Variants in CIZ1 observed in about 807,000 individuals in gnomAD.
CIZ1 encodes the protein cip1-interacting zinc finger protein.
CIZ1 carries 58 observed loss-of-function variants against 118.6 expected under a neutral mutation model. That is an observed-to-expected ratio of 0.49 (90% CI 0.40 to 0.61). CIZ1 has a LOEUF of 0.61. CIZ1 is among the 20% of genes least tolerant of loss of function. CIZ1 has a pLI of 0.00. For missense variants in CIZ1, 921 were observed against 1,115.9 expected, an observed-to-expected ratio of 0.83 and a Z score of 2.49; for synonymous variants, 448 against 443.4, an observed-to-expected ratio of 1.01 and a Z score of -0.13.
intron 14 of CIZ1, chr9:128,167,811 C>T (rs180741031): frequency 6.5e-6 from 1 of 154,016 alleles, no homozygotes; most frequent in East Asian, 1.9e-4. Flanking sequence ...ACAAATGTGG[C>T]TTCCAAGAAG....
upstream of CIZ1, among the ~76,000 whole-genome samples, chr9:128,195,667 G>A (rs1332435745): frequency 6.6e-6 from 1 of 151,834 alleles, no homozygotes; most frequent in East Asian, 1.9e-4. Context: ...CCTTCTCATG[G>A]ACTCTATCTA....
chr9:128,201,816 G>A (rs1833531120), intron 1 of CIZ1, among the ~76,000 whole-genome samples: 1 of 152,186 alleles, frequency 6.6e-6, no homozygotes, highest in Non-Finnish European at 1.5e-5. Context: ...AGGGACCTGG[G>A]TCACGCAGCT....
chr9:128,180,673 C>T (rs1831471063), intron 6 of CIZ1, 48 bp downstream of exon 6: 1 of 1,468,264 alleles, frequency 6.8e-7, no homozygotes, highest in African/African-American at 1.4e-5. Flanking sequence ...CCCACTGGCC[C>T]CACCCCATTC....
At chr9:128,175,468 C>T (rs1263047165) in intron 11 of CIZ1, among the ~76,000 whole-genome samples, 1 of 152,094 alleles carries the variant, frequency 6.6e-6, no homozygotes, top group Non-Finnish European at 1.5e-5. Flanking sequence ...GCGAGAGCCC[C>T]CTGTCACACA....
At chr9:128,185,466 C>A in intron 5 of CIZ1, 81 bp downstream of exon 5, 4 of 903,934 alleles carry the variant, frequency 4.4e-6, no homozygotes, top group Non-Finnish European at 6.7e-6. Context: ...TCCGAAGGCC[C>A]AGACTGAGCC....
Position 128,178,367 on chromosome 9 carries a change from A to G in CIZ1, c.1620+2T>C. The G allele has an allele frequency of 6.2e-7, 1 of 1,611,740 alleles. No individual in the cohort carries two copies. ...CACTGCCACATCAGGGCCTCTACCC[A>G]CCCCTGGCATCTCTCTCGCTCTGTT... is the stretch of plus-strand genomic sequence containing the variant. On this transcript the variant is annotated splice_donor_variant, in intron 9 of 16. Coordinates refer to ENST00000372938, the MANE Select transcript of CIZ1 (RefSeq NM_001131016.2). LOFTEE classifies it high-confidence loss of function.
Position 128,174,786 on chromosome 9 carries a change from G to A in CIZ1, c.1943+1565C>T, listed in dbSNP as rs185551065. ...CAATTCTCCTGCCTCAGCCTCCCGA[G>A]TAGCTGGGATCACAGGCATGCACCA... is the stretch of plus-strand genomic sequence containing the variant. On this transcript the variant is annotated intron_variant, in intron 11 of 16. Transcript: ENST00000372938. Among the ~76,000 whole-genome samples the A allele has an allele frequency of 2.5e-3, 385 of 152,258 alleles. 2 individuals carry two copies. Among genetic ancestry groups the A allele is most frequent in the African/African-American group, 8.7e-3 (363 of 41,558 alleles).
At chr9:128,201,894 C>T (rs765563132) in intron 1 of CIZ1, among the ~76,000 whole-genome samples, 4 of 152,168 alleles carry the variant, frequency 2.6e-5, no homozygotes, top group Admixed American at 6.5e-5. Context: ...CTGCTTGTTC[C>T]CCATGCCTGC....
upstream of CIZ1, among the ~76,000 whole-genome samples, chr9:128,195,600 G>A (rs527784987): frequency 1.3e-5 from 2 of 152,214 alleles, no homozygotes; most frequent in East Asian, 1.9e-4. Context: ...TTACAAGCGT[G>A]AGCCTCCATG....
At chr9:128,176,511 G>A (rs145151591) in intron 10 of CIZ1, 36 bp from the exon 11 acceptor site, 60 of 1,603,630 alleles carry the variant, frequency 3.7e-5, no homozygotes, top group East Asian at 3.3e-4. Flanking sequence ...GGCCTGGGGC[G>A]TGAGCCCAGA....
In CIZ1 at chr9:128,170,062, G is replaced by A. The variant is rs1564246327; in HGVS notation, c.1989C>T (p.Tyr663=). The change falls in exon 12 of 17, where the codon TAC becomes TAT. Residue 663 remains tyrosine, a synonymous_variant. Transcript: ENST00000372938. ...TGCGGTGTTGGATCAGGTCCCCCAT[G>A]TAGTAGAGCTGGCAGGTGTTGCACC... ...RRWCNTCQLY[Y]MGDLIQHRRT... 1 of 1,614,122 alleles carries A rather than the reference G, an allele frequency of 6.2e-7. No individual in the cohort carries two copies. The highest frequency in any genetic ancestry group is 8.5e-7 in the Non-Finnish European group (1 of 1,180,016).
rs1375400604 is a variant in CIZ1 at position 128,172,870 on chromosome 9, A to C, written c.1944-2763T>G. On this transcript the variant is annotated intron_variant, in intron 11 of 16. Transcript: ENST00000372938. ...AAATCAGAAAAAAAAATTTTTTTGTAGTCAAAAAAGGCACATCAGCCACAC... is the reference window on the plus strand; with the variant it reads ...AAATCAGAAAAAAAAATTTTTTTGTCGTCAAAAAAGGCACATCAGCCACAC... Among the ~76,000 whole-genome samples the C allele has an allele frequency of 5.3e-5, 8 of 152,264 alleles. No individual in the cohort carries two copies. The East Asian group carries it at 1.5e-3, about 29-fold the overall frequency.
chr9:128,188,859 C>T (rs1467647321), intron 3 of CIZ1, among the ~76,000 whole-genome samples: 2 of 151,454 alleles, frequency 1.3e-5, no homozygotes, highest in Admixed American at 6.6e-5. Context: ...AGTACGGTGG[C>T]GCGATCTCAG....
intron 5 of CIZ1, among the ~76,000 whole-genome samples, chr9:128,184,583 C>T (rs551412892): frequency 6.7e-6 from 1 of 149,840 alleles, no homozygotes; most frequent in African/African-American, 2.4e-5. Flanking sequence ...GCCTCTAACT[C>T]CTGGCCTCAA....
At chr9:128,191,710 G>C (rs1453924230), upstream of CIZ1, 2 of 1,310,410 alleles carry the variant, frequency 1.5e-6, no homozygotes. This position sits in a 1 kb window ranked among gnomAD's most constrained non-coding sequence, Gnocchi z 5.5. Context: ...GCAGGTGCGA[G>C]GGGGTCCTGG....
intron 5 of CIZ1, among the ~76,000 whole-genome samples, chr9:128,182,944 G>A (rs1831871936): frequency 6.6e-6 from 1 of 151,988 alleles, no homozygotes; most frequent in South Asian, 2.1e-4. Flanking sequence ...TAATTAATTG[G>A]TTGGAGCATT....
intron 11 of CIZ1, among the ~76,000 whole-genome samples, chr9:128,171,421 G>C (rs570511784): frequency 7.0e-6 from 1 of 143,382 alleles, no homozygotes; most frequent in African/African-American, 2.6e-5. Context: ...AGAGAGACCC[G>C]GTCTCAAAAA....
chr9:128,178,815 C>A lies in CIZ1; in HGVS notation c.1392G>T (p.Gln464His), dbSNP rs149608864. The A allele has an allele frequency of 5.0e-6, 8 of 1,614,144 alleles. No individual in the cohort carries two copies. The Admixed American group carries it at 1.0e-4, about 20-fold the overall frequency. The change falls in exon 8 of 17, where the codon CAG (glutamine) becomes CAT (histidine). Residue 464 changes from glutamine to histidine, a missense_variant. Transcript: ENST00000372938. ...ACGACACCTGCGGCTGGGTGTGAGG[C>A]TGCTCATGGGTCTGCTCTGGTGGCT... ...SVQPPEQTHE[Q>H]PHTQPQVSLL...
intron 7 of CIZ1, 67 bp downstream of exon 7, chr9:128,180,348 C>A: frequency 2.5e-6 from 3 of 1,214,190 alleles, no homozygotes; most frequent in East Asian, 2.3e-5. Context: ...GCCATTGCCA[C>A]CCCTGCCTTT....
Sources: allele counts gnomAD v4.1 joint callset (sites outside exome capture counted in the v4.1 genomes callset), GRCh38; gene constraint gnomAD v4.1.1; non-coding constraint Gnocchi (gnomAD v3.1); transcripts MANE v1.5; gene names NCBI Gene and HGNC (gene_info 2026-07-23, HGNC 2026-07-21).